Variants in ADGRL2 observed in about 807,000 individuals in gnomAD.
The protein encoded by ADGRL2 is calcium-independent alpha-latrotoxin receptor 2.
Under a neutral mutation model 157.4 loss-of-function variants are expected in ADGRL2, and 44 were observed. The observed-to-expected ratio is 0.28, with a 90% CI of 0.22 to 0.36. The LOEUF (loss-of-function observed/expected upper bound fraction) is 0.36, where lower values mean the gene tolerates loss of function less well. Ranked by LOEUF, ADGRL2 falls within the 10% of genes least tolerant of loss-of-function variation. The pLI is 1.00. For synonymous variants in ADGRL2, 585 were observed against 624.7 expected (o/e 0.94, Z 0.95); for missense variants, 1,510 against 1,768.9 (o/e 0.85, Z 2.63).
intron 2 of ADGRL2, among the ~76,000 whole-genome samples, chr1:81,540,648 C>T (rs919354553): frequency 3.3e-5 from 5 of 151,722 alleles, no homozygotes; most frequent in African/African-American, 9.7e-5. Flanking sequence ...TATAAAGGCC[C>T]TAGGAACCTG....
chr1:81,378,401 A>G (rs935820180), intron 1 of ADGRL2, among the ~76,000 whole-genome samples: 1 of 151,860 alleles, frequency 6.6e-6, no homozygotes, highest in African/African-American at 2.4e-5. Context: ...AAATTAAAAT[A>G]TAAAAAATAA....
At chr1:81,693,805 A>G (rs889295172) in intron 3 of ADGRL2, among the ~76,000 whole-genome samples, 5 of 152,192 alleles carry the variant, frequency 3.3e-5, no homozygotes, top group African/African-American at 1.2e-4. Context: ...AGTGGCTGGC[A>G]GGGGAAATTA....
At chr1:81,627,679 G>A (rs111767470) in intron 3 of ADGRL2, among the ~76,000 whole-genome samples, 19,167 of 152,194 alleles carry the variant, frequency 0.13, 1,661 homozygotes, top group Non-Finnish European at 0.18. Context: ...GAAGCAGACT[G>A]AGAAGTGTGG....
intron 1 of ADGRL2, among the ~76,000 whole-genome samples, chr1:81,380,351 T>G (rs922289971): frequency 5.9e-5 from 9 of 152,250 alleles, no homozygotes; most frequent in African/African-American, 9.6e-5. Flanking sequence ...ATATTCTTTT[T>G]GAAATAAGCA....
intron 2 of ADGRL2, among the ~76,000 whole-genome samples, chr1:81,475,524 A>G (rs985589380): frequency 3.3e-5 from 5 of 152,308 alleles, no homozygotes; most frequent in Middle Eastern, 3.4e-3. Context: ...CTATTTTACT[A>G]TGTTACAATT....
chr1:81,570,641 G>A (rs1236087300), intron 2 of ADGRL2, among the ~76,000 whole-genome samples: 24 of 152,004 alleles, frequency 1.6e-4, no homozygotes, highest in African/African-American at 4.8e-4. Context: ...TTCCTGCTTC[G>A]GCCTCCCAAA....
rs151227968 is a variant in ADGRL2, at chr1:81,629,208, A to G, written c.-143+48228A>G. On this transcript the variant is annotated intron_variant, in intron 3 of 24. Transcript: ENST00000370721. ...AAAGGGTATTTTGAAAAGAAATAGT[A>G]ATAAAAATAAAGGTTGAATCCTAAC... 3.2e-3 allele frequency among the ~76,000 whole-genome samples: 482 copies of G among 152,348 alleles called. 1 individual carries two copies. The highest frequency in any genetic ancestry group is 6.8e-3 in the Middle Eastern group (2 of 294).
intron 3 of ADGRL2, among the ~76,000 whole-genome samples, chr1:81,925,797 A>C (rs1428218158): frequency 6.6e-6 from 1 of 152,042 alleles, no homozygotes; most frequent in Non-Finnish European, 1.5e-5. Flanking sequence ...ATTAGTTATC[A>C]ATTCAAATAG....
chr1:81,514,235 A>G (rs957760236), intron 2 of ADGRL2, among the ~76,000 whole-genome samples: 7 of 152,082 alleles, frequency 4.6e-5, no homozygotes, highest in African/African-American at 1.7e-4. Context: ...TGGATTGCAT[A>G]TTATGTTTGT....
At chr1:81,858,809 C>G (rs934996874) in intron 2 of ADGRL2, among the ~76,000 whole-genome samples, 9 of 152,060 alleles carry the variant, frequency 5.9e-5, no homozygotes. Context: ...CATTTTTTCC[C>G]GGATGTAATA....
chr1:81,517,073 A>C (rs1284023483), intron 2 of ADGRL2, among the ~76,000 whole-genome samples: 1 of 152,210 alleles, frequency 6.6e-6, no homozygotes, highest in African/African-American at 2.4e-5. Context: ...ATATTCTGCT[A>C]CAAGTAACAA....
chr1:81,388,078 TA>T (rs2101095325), intron 1 of ADGRL2, among the ~76,000 whole-genome samples: 1 of 152,312 alleles, frequency 6.6e-6, no homozygotes, highest in African/African-American at 2.4e-5. Context: ...TCACTTTTTA[TA>T]GCTTCTGTTT....
chr1:81,879,863 T>C (rs1389555950), intron 2 of ADGRL2, among the ~76,000 whole-genome samples: 1 of 151,892 alleles, frequency 6.6e-6, no homozygotes, highest in Non-Finnish European at 1.5e-5. Context: ...CCTGTCTCTA[T>C]TAAAATTACA....
In ADGRL2 at chr1:81,985,309, T is replaced by G. The variant is rs1662828784; in HGVS notation, c.3462T>G (p.Ser1154=). 1 of 1,607,924 alleles carries G rather than the reference T, an allele frequency of 6.2e-7. No individual in the cohort carries two copies. The highest frequency in any genetic ancestry group is 2.2e-5 in the East Asian group (1 of 44,600). ...WNDTVRKQSE[S]SFISGDINST... is the part of the protein sequence containing the mutation. ...ATACTGTGAGAAAACAATCAGAATC[T>G]TCTTTTATCTCAGGTGACATCAATA... The change falls in exon 21 of 24, where the codon TCT becomes TCG. Residue 1154 remains serine (S), a synonymous_variant. Transcript: ENST00000686636.
chr1:81,900,851 C>T (rs928272591), intron 2 of ADGRL2, among the ~76,000 whole-genome samples: 9 of 151,772 alleles, frequency 5.9e-5, no homozygotes, highest in Non-Finnish European at 1.0e-4. Context: ...AGTCTCTGCC[C>T]AGTCATTGGC....
At chr1:81,499,493 T>A (rs1261074174) in intron 2 of ADGRL2, among the ~76,000 whole-genome samples, 1 of 152,220 alleles carries the variant, frequency 6.6e-6, no homozygotes, top group East Asian at 1.9e-4. Flanking sequence ...TCACAAAACA[T>A]TGAACCACCT....
chr1:81,702,442 G>A (rs2083602694), intron 1 of ADGRL2, among the ~76,000 whole-genome samples: 2 of 152,148 alleles, frequency 1.3e-5, no homozygotes, highest in Admixed American at 6.6e-5. Context: ...ACCTTCTCAT[G>A]CTACATATCA....
chr1:81,890,835 G>T (rs573408630), intron 2 of ADGRL2, among the ~76,000 whole-genome samples: 1 of 152,162 alleles, frequency 6.6e-6, no homozygotes, highest in Middle Eastern at 3.4e-3. Flanking sequence ...CTTCTCTTTG[G>T]TTCTCAGGGT....
chr1:81,597,635 CA>C (rs2081261056), intron 3 of ADGRL2, among the ~76,000 whole-genome samples: 2 of 152,114 alleles, frequency 1.3e-5, no homozygotes, highest in South Asian at 4.1e-4. Flanking sequence ...AAATGTAAGA[CA>C]AAGATTCAAA....
Sources: gnomAD v4.1 joint callset for allele counts (sites outside exome capture counted in the v4.1 genomes callset) on GRCh38, gnomAD v4.1.1 for gene constraint, MANE v1.5 for transcripts, NCBI Gene and HGNC (gene_info 2026-07-23, HGNC 2026-07-21) for gene names.